The following EYS variants were observed in gnomAD, a reference collection of about 807,000 sequenced individuals.
EYS encodes the protein EGF-like photoreceptor maintenance factor, also known as protein eyes shut homolog.
A neutral mutation model predicts 282.1 loss-of-function variants in EYS; 250 were observed. The ratio of observed to expected loss-of-function variants is 0.89; its 90% CI spans 0.80 to 0.98. The LOEUF (loss-of-function observed/expected upper bound fraction) is 0.98, where lower values mean the gene tolerates loss of function less well. EYS is among the 50% of genes least tolerant of loss of function. The probability of loss-of-function intolerance (pLI) is 0.00; values close to 1 mark genes in which losing one functional copy is unlikely to be tolerated. For missense variants in EYS, 4,016 were observed against 3,709.0 expected (o/e 1.08, Z -2.15); for synonymous variants, 1,355 against 1,282.9 (o/e 1.06, Z -1.20).
intron 14 of EYS, among the ~76,000 whole-genome samples, chr6:64,972,859 G>T (rs2150111955): frequency 6.6e-6 from 1 of 152,048 alleles, no homozygotes; most frequent in East Asian, 1.9e-4. Context: ...TTAATACTAG[G>T]CATTATAGGT....
At chr6:64,946,064 C>T in intron 14 of EYS, 150 bp from the exon 15 acceptor site, 1 of 571,290 alleles carries the variant, frequency 1.8e-6, no homozygotes, top group Admixed American at 3.4e-5. Context: ...ATGACTTTTA[C>T]CACATTTTTA....
At chr6:64,273,603 CCTT>C (rs1354196791) in intron 30 of EYS, among the ~76,000 whole-genome samples, 1 of 151,862 alleles carries the variant, frequency 6.6e-6, no homozygotes, top group Non-Finnish European at 1.5e-5. Flanking sequence ...CCTTACAGCT[CCTT>C]CTTCCTCTTG....
At chr6:64,884,671 T>C (rs1469929337) in intron 19 of EYS, among the ~76,000 whole-genome samples, 2 of 151,578 alleles carry the variant, frequency 1.3e-5, no homozygotes, top group African/African-American at 4.8e-5. Flanking sequence ...AGAAGGTCAA[T>C]TTGAATGTCA....
At chr6:65,089,976 A>T (rs932346841) in intron 12 of EYS, among the ~76,000 whole-genome samples, 9 of 87,858 alleles carry the variant, frequency 1.0e-4, no homozygotes, top group African/African-American at 3.3e-4. Context: ...TATATATATA[A>T]ATAAATACAC....
chr6:64,640,648 A>G (rs1768104103), intron 22 of EYS, among the ~76,000 whole-genome samples: 1 of 152,082 alleles, frequency 6.6e-6, no homozygotes, highest in African/African-American at 2.4e-5. Flanking sequence ...GCAGCACACA[A>G]GCATGGCACA....
intron 11 of EYS, among the ~76,000 whole-genome samples, chr6:65,317,776 CTCTT>C (rs1562092722): frequency 0.11 from 7,173 of 67,644 alleles, 668 homozygotes; most frequent in African/African-American, 0.25. Context: ...GCTACATTTT[CTCTT>C]CCTTCCTTCC....
chr6:65,459,659 AAATGAATG>A (rs1424615151), intron 5 of EYS, among the ~76,000 whole-genome samples: 2 of 151,738 alleles, frequency 1.3e-5, no homozygotes, highest in African/African-American at 4.8e-5. Context: ...AATATTTGTT[AAATGAATG>A]AATGGATAAA....
intron 8 of EYS, among the ~76,000 whole-genome samples, chr6:65,371,616 T>A (rs1403712147): frequency 6.6e-6 from 1 of 151,720 alleles, no homozygotes; most frequent in African/African-American, 2.4e-5. Flanking sequence ...AGGAGAAGTA[T>A]GATAATATTG....
chr6:65,307,906 C>T (rs1769055245), intron 11 of EYS, among the ~76,000 whole-genome samples: 1 of 147,750 alleles, frequency 6.8e-6, no homozygotes, highest in Non-Finnish European at 1.5e-5. Flanking sequence ...CTTCTCTCTC[C>T]CCCACTCTCC....
intron 2 of EYS, among the ~76,000 whole-genome samples, chr6:65,523,826 G>A (rs1375854635): frequency 2.0e-5 from 3 of 152,122 alleles, no homozygotes; most frequent in Admixed American, 6.5e-5. Context: ...TGTTTCTCAA[G>A]GATATATTCC....
At position 64,945,896 on chromosome 6, in the gene EYS, G is replaced by T; in HGVS notation, c.2278C>A (p.Leu760Ile). ...DLHLSYQCVCLSDWEGNFCEQ... is the reference protein window; with the variant it reads ...DLHLSYQCVCISDWEGNFCEQ... Reference sequence around the variant, plus strand: ...CAAAAATTTCCTTCCCAATCAGATAGGCACACACACTGGTAGCTCTAAGAG... The same window carrying T: ...CAAAAATTTCCTTCCCAATCAGATATGCACACACACTGGTAGCTCTAAGAG... The change falls in exon 15 of 43, where the codon CTA (leucine) becomes ATA (isoleucine). Residue 760 changes from leucine to isoleucine, a missense_variant. Physicochemically the swap from Leu to Ile is conservative, Grantham distance 5. Transcript: ENST00000503581. The T allele has an allele frequency of 6.5e-7, 1 of 1,546,636 alleles. No homozygotes were observed. Among genetic ancestry groups the T allele is most frequent in the Non-Finnish European group, 8.7e-7 (1 of 1,143,186 alleles).
At chr6:65,581,988 G>A (rs1450533695) in intron 2 of EYS, among the ~76,000 whole-genome samples, 1 of 151,730 alleles carries the variant, frequency 6.6e-6, no homozygotes, top group African/African-American at 2.4e-5. Context: ...AGGAGTTTGA[G>A]ACCAGCCTGG....
At chr6:63,753,054 C>A (rs1769379482) in intron 41 of EYS, among the ~76,000 whole-genome samples, 1 of 147,118 alleles carries the variant, frequency 6.8e-6, no homozygotes, top group South Asian at 2.2e-4. Context: ...TTTCCATTTT[C>A]TTTTCTTTTC....
At chr6:64,971,531 C>G (rs1297136169) in intron 14 of EYS, among the ~76,000 whole-genome samples, 7 of 152,072 alleles carry the variant, frequency 4.6e-5, no homozygotes, top group African/African-American at 1.7e-4. Flanking sequence ...AATGAGAAAC[C>G]TTTTTCTGAC....
At position 64,533,622 on chromosome 6, in the gene EYS, C is replaced by A. The variant is rs114936978; in HGVS notation, c.5644+56601G>T. On this transcript the variant is annotated intron_variant, in intron 26 of 42. Transcript: ENST00000503581. ...TTTCAAAAAGAAAGAAGAAATAACA[C>A]TTTTAGGCAAAATAAAAGCTGAGAT... Among the ~76,000 whole-genome samples the A allele has an allele frequency of 3.4e-3, 523 of 152,064 alleles. 3 individuals carry two copies. Among genetic ancestry groups the A allele is most frequent in the African/African-American group, 0.012 (492 of 41,540 alleles).
chr6:65,658,843 CTT>C (rs999420841), intron 1 of EYS, among the ~76,000 whole-genome samples: 31 of 151,636 alleles, frequency 2.0e-4, no homozygotes, highest in African/African-American at 7.5e-4. Flanking sequence ...CAGATATTGT[CTT>C]GGGATGGGGA....
At chr6:64,964,085 A>G (rs955853655) in intron 14 of EYS, among the ~76,000 whole-genome samples, 2 of 151,980 alleles carry the variant, frequency 1.3e-5, no homozygotes, top group African/African-American at 4.8e-5. Context: ...TTTACCTTTT[A>G]TGATTATCAC....
chr6:64,248,340 A>G (rs915042427), intron 30 of EYS, among the ~76,000 whole-genome samples: 7 of 152,162 alleles, frequency 4.6e-5, no homozygotes, highest in African/African-American at 1.7e-4. Flanking sequence ...TTTATTTTCG[A>G]AACTACACTC....
intron 35 of EYS, among the ~76,000 whole-genome samples, chr6:63,927,527 T>A (rs1764751605): frequency 6.6e-6 from 1 of 152,262 alleles, no homozygotes; most frequent in Non-Finnish European, 1.5e-5. Flanking sequence ...TGTTCCTTTT[T>A]AAATTTTTTC....
Sources: gnomAD v4.1 joint callset for allele counts (sites outside exome capture counted in the v4.1 genomes callset) on GRCh38, gnomAD v4.1.1 for gene constraint, MANE v1.5 for transcripts, NCBI Gene and HGNC (gene_info 2026-07-23, HGNC 2026-07-21) for gene names.